The following MYO10 variants were observed in gnomAD, a reference collection of about 807,000 sequenced individuals.
MYO10 encodes the protein unconventional myosin-X.
In MYO10, 133 loss-of-function variants were observed where a neutral mutation model predicts 257.3. The observed-to-expected ratio is 0.52, with a 90% confidence interval of 0.45 to 0.60. MYO10 has a LOEUF of 0.60. MYO10 is among the 20% of genes least tolerant of loss of function. MYO10 has a pLI of 0.00. For missense variants in MYO10, 2,399 were observed against 2,635.7 expected (o/e 0.91, Z 1.97); for synonymous variants, 1,104 against 1,028.6 (o/e 1.07, Z -1.40).
rs746751894 is a variant in MYO10 at position 16,762,115 on chromosome 5, T to TAAAAAA, written c.1588-8_1588-3dup. The TAAAAAA allele has an allele frequency of 7.4e-4, 417 of 567,274 alleles. 6 individuals are homozygous for TAAAAAA. The highest frequency in any genetic ancestry group is 2.3e-3 in the African/African-American group (70 of 29,912). 35.1% of individuals were successfully genotyped at this position (567,274 alleles called of 1,614,324 possible). On this transcript the variant is annotated splice_polypyrimidine_tract_variant and splice_region_variant and intron_variant, in intron 15 of 40. Transcript: ENST00000513610. ...GGGCTTCACATAAAAGTGGTTATTCTAAAAAAAAAAAAAAAAAAAAAAAAA... is the reference window on the plus strand; with the variant it reads ...GGGCTTCACATAAAAGTGGTTATTCTAAAAAAAAAAAAAAAAAAAAAAAAAAAAAAA...
chr5:16,810,358 C>T (rs1002609259), intron 3 of MYO10, among the ~76,000 whole-genome samples: 1 of 152,190 alleles, frequency 6.6e-6, no homozygotes, highest in South Asian at 2.1e-4. Context: ...TCTCCCATCT[C>T]TACCCTGGTC....
chr5:16,931,521 G>A (rs1746294707), intron 1 of MYO10, among the ~76,000 whole-genome samples: 1 of 152,104 alleles, frequency 6.6e-6, no homozygotes, highest in South Asian at 2.1e-4. Flanking sequence ...GATATGGAGT[G>A]AGGAAGCAGT....
chr5:16,672,566 GTAAAA>G lies in MYO10; in HGVS notation c.5309+118_5309+122del. 4.3e-6 allele frequency: 5 copies of G among 1,176,298 alleles called. No homozygotes were observed. The South Asian group carries it at 7.7e-5, about 18-fold the overall frequency. 72.9% of individuals were successfully genotyped at this position (1,176,298 alleles called of 1,614,324 possible). On this transcript the variant is annotated intron_variant, in intron 37 of 40. Transcript: ENST00000513610. ...CAAAGTTAAACAGGCATCAACACAGGTAAAATAAAACTAACTCCAATACAGCGTGA... is the reference window on the plus strand; with the variant it reads ...CAAAGTTAAACAGGCATCAACACAGGTAAAACTAACTCCAATACAGCGTGA...
At chr5:16,744,367 C>CGCCCG (rs1388440386) in intron 19 of MYO10, among the ~76,000 whole-genome samples, 1 of 152,180 alleles carries the variant, frequency 6.6e-6, no homozygotes, top group Non-Finnish European at 1.5e-5. Context: ...AGGGAAAGGA[C>CGCCCG]GCCCGGCCAC....
At chr5:16,892,429 T>A (rs766677260) in intron 1 of MYO10, among the ~76,000 whole-genome samples, 1 of 151,732 alleles carries the variant, frequency 6.6e-6, no homozygotes, top group Non-Finnish European at 1.5e-5. Context: ...TCACTTGAAC[T>A]CAGGAGTTCA....
At chr5:16,686,342 T>C (rs1737251761) in intron 28 of MYO10, among the ~76,000 whole-genome samples, 1 of 152,188 alleles carries the variant, frequency 6.6e-6, no homozygotes, top group Non-Finnish European at 1.5e-5. Flanking sequence ...TCAAAACTTT[T>C]TGAGCACCGA....
intron 2 of MYO10, among the ~76,000 whole-genome samples, chr5:16,873,791 C>G (rs1176581048): frequency 6.6e-6 from 1 of 152,190 alleles, no homozygotes; most frequent in African/African-American, 2.4e-5. Flanking sequence ...TGGCCTCTTT[C>G]AGCCACGGCT....
chr5:16,877,844 A>G, intron 1 of MYO10, 137 bp from the exon 2 acceptor site: 1 of 691,660 alleles, frequency 1.4e-6, no homozygotes, highest in Non-Finnish European at 2.5e-6. Flanking sequence ...TCAAGCAAAG[A>G]ACAAATCTTC....
intron 3 of MYO10, among the ~76,000 whole-genome samples, chr5:16,805,338 T>C (rs1008705538): frequency 9.3e-5 from 14 of 151,344 alleles, no homozygotes. Context: ...GGCGGATGCC[T>C]GTAATCCCAG....
intron 2 of MYO10, among the ~76,000 whole-genome samples, chr5:16,831,458 T>C (rs920530369): frequency 2.0e-5 from 3 of 151,350 alleles, no homozygotes. Context: ...TGCAACAATG[T>C]GGAACCAGCC....
At chr5:16,687,240 G>C (rs1737293518) in intron 28 of MYO10, among the ~76,000 whole-genome samples, 1 of 151,842 alleles carries the variant, frequency 6.6e-6, no homozygotes. Flanking sequence ...AGGATCACCT[G>C]AGCCCAGAAG....
intron 10 of MYO10, among the ~76,000 whole-genome samples, chr5:16,768,764 C>A (rs1270911987): frequency 6.8e-6 from 1 of 147,826 alleles, no homozygotes; most frequent in Non-Finnish European, 1.5e-5. Context: ...ACCTTCAACC[C>A]GCAGAGGCTC....
At chr5:16,715,392 A>ATTT (rs372307063) in intron 19 of MYO10, among the ~76,000 whole-genome samples, 48,963 of 84,488 alleles carry the variant, frequency 0.58, 14,534 homozygotes, top group East Asian at 0.64. Context: ...TAAGATTGAA[A>ATTT]TTTTTTTTTT....
chr5:16,731,757 T>C (rs1327084287), intron 19 of MYO10, among the ~76,000 whole-genome samples: 1 of 152,200 alleles, frequency 6.6e-6, no homozygotes, highest in Non-Finnish European at 1.5e-5. Flanking sequence ...GTGGAGGGCA[T>C]GAAGCCCCAG....
chr5:16,703,871 ACT>A (rs1490768648), intron 22 of MYO10, among the ~76,000 whole-genome samples: 1 of 115,238 alleles, frequency 8.7e-6, no homozygotes, highest in Non-Finnish European at 1.7e-5. Context: ...AGCGAGCGAG[ACT>A]CTGTCTCAAA....
chr5:16,777,377 C>T (rs1741250827), intron 9 of MYO10, among the ~76,000 whole-genome samples: 1 of 152,158 alleles, frequency 6.6e-6, no homozygotes, highest in African/African-American at 2.4e-5. Flanking sequence ...TCATTTTCAA[C>T]TTAAGGAGAC....
chr5:16,862,181 T>G (rs1009296322), intron 2 of MYO10, among the ~76,000 whole-genome samples: 1 of 152,186 alleles, frequency 6.6e-6, no homozygotes. Flanking sequence ...GTCAGAACTG[T>G]GGCACCCTGG....
chr5:16,828,837 TAC>T (rs1222721351), intron 2 of MYO10, among the ~76,000 whole-genome samples: 1 of 152,124 alleles, frequency 6.6e-6, no homozygotes, highest in Non-Finnish European at 1.5e-5. Flanking sequence ...CGCCTCAGCC[TAC>T]AGAGTTAACT....
intron 29 of MYO10, among the ~76,000 whole-genome samples, chr5:16,684,491 G>A (rs185034525): frequency 6.2e-4 from 95 of 152,256 alleles, no homozygotes; most frequent in East Asian, 5.0e-3. Context: ...TGATCCATCC[G>A]CCTTGGCCTC....
Sources: gnomAD v4.1 joint callset for allele counts (sites outside exome capture counted in the v4.1 genomes callset) on GRCh38, gnomAD v4.1.1 for gene constraint, MANE v1.5 for transcripts, NCBI Gene and HGNC (gene_info 2026-07-23, HGNC 2026-07-21) for gene names.